SERPINA9: variants seen among roughly 807,000 people sequenced by gnomAD.
The protein encoded by SERPINA9 is serpin family A member 9, also known as serpin A9.
In SERPINA9, 32 loss-of-function variants were observed where a neutral mutation model predicts 24.5. That is an observed-to-expected ratio of 1.30 (90% CI 0.98 to 1.75). SERPINA9 has a LOEUF of 1.75. Ranked by LOEUF, SERPINA9 falls within the 40% of genes most tolerant of loss-of-function variation. SERPINA9 has a pLI of 0.00. For synonymous variants in SERPINA9, 233 were observed against 197.7 expected, an observed-to-expected ratio of 1.18 and a Z score of -1.50; for missense variants, 594 against 497.1, an observed-to-expected ratio of 1.19 and a Z score of -1.85.
In SERPINA9 at chr14:94,462,913, G is replaced by C. The variant is rs765440316; in HGVS notation, c.*180C>G. 5.4e-5 allele frequency: 33 copies of C among 606,608 alleles called. No homozygotes were observed. The highest frequency in any genetic ancestry group is 3.7e-5 in the African/African-American group (2 of 54,396). 37.6% of individuals were successfully genotyped at this position (606,608 alleles called of 1,614,324 possible). On this transcript the variant is annotated 3_prime_UTR_variant, in exon 5 of 5. Transcript: ENST00000674397. Reference sequence around the variant, plus strand: ...AAAGGGCACTGACTGGGGTTAATGGGTGTTGGCTTGTGACTGGGGTCCCTG... The same window carrying C: ...AAAGGGCACTGACTGGGGTTAATGGCTGTTGGCTTGTGACTGGGGTCCCTG...
At chr14:94,472,327 A>G (rs1419567158) in intron 1 of SERPINA9, among the ~76,000 whole-genome samples, 1 of 152,126 alleles carries the variant, frequency 6.6e-6, no homozygotes, top group Non-Finnish European at 1.5e-5. Context: ...TGCTAATGGA[A>G]AAGCCCTTGT....
intron 1 of SERPINA9, among the ~76,000 whole-genome samples, chr14:94,471,276 T>A (rs1899304593): frequency 1.3e-5 from 2 of 152,078 alleles, no homozygotes; most frequent in African/African-American, 4.8e-5. Flanking sequence ...CTTTACCCAC[T>A]GGAACAAGAA....
intron 2 of SERPINA9, among the ~76,000 whole-genome samples, chr14:94,468,806 G>A (rs1393699507): frequency 1.3e-5 from 2 of 152,190 alleles, no homozygotes; most frequent in East Asian, 3.8e-4. Context: ...ACCTATGAAA[G>A]TGTTCACACT....
At chr14:94,475,805 A>G (rs1050976938) in intron 1 of SERPINA9, 3 of 424,628 alleles carry the variant, frequency 7.1e-6, no homozygotes, top group Admixed American at 4.0e-5. Context: ...CAACGACACA[A>G]CAACAAAAAC....
chr14:94,463,570 A>G lies in SERPINA9; in HGVS notation c.1051-274T>C, dbSNP rs7158096. Among the ~76,000 whole-genome samples, 1,472 of 152,294 alleles carry G rather than the reference A, an allele frequency of 9.7e-3. 23 individuals are homozygous for G. Among genetic ancestry groups the G allele is most frequent in the African/African-American group, 0.033 (1,369 of 41,554 alleles). ...CACTTATGGTTGCAAAATTATTAAG[A>G]TGCTGCGTGCTTCAGGTTCCCGATC... On this transcript the variant is annotated intron_variant, in intron 4 of 4. Transcript: ENST00000674397.
chr14:94,470,134 G>A (rs1899243059), intron 1 of SERPINA9: 6 of 1,100,958 alleles, frequency 5.4e-6, no homozygotes, highest in Middle Eastern at 3.7e-4. Context: ...GGGCTTCAAA[G>A]TCAGGTCTCA....
At chr14:94,474,579 A>G (rs1046803475) in intron 1 of SERPINA9, among the ~76,000 whole-genome samples, 5 of 150,280 alleles carry the variant, frequency 3.3e-5, no homozygotes, top group Non-Finnish European at 5.9e-5. Context: ...AATCCACCAC[A>G]CTCCCCACTT....
intron 1 of SERPINA9, among the ~76,000 whole-genome samples, chr14:94,475,456 A>G (rs1199488630): frequency 6.6e-6 from 1 of 152,006 alleles, no homozygotes; most frequent in Admixed American, 6.6e-5. Context: ...ACACACACAC[A>G]CACACACTGA....
chr14:94,472,085 C>T (rs1465934958), intron 1 of SERPINA9, among the ~76,000 whole-genome samples: 1 of 152,112 alleles, frequency 6.6e-6, no homozygotes, highest in Non-Finnish European at 1.5e-5. Flanking sequence ...AGCCAGGGTC[C>T]TGGCTCTTAA....
rs368721380 is a variant in SERPINA9, at chr14:94,476,108, G to T, written c.-18+28C>A. The T allele has an allele frequency of 2.5e-6, 4 of 1,613,910 alleles. No individual in the cohort carries two copies. The African/African-American group carries it at 4.0e-5, about 16-fold the overall frequency. On this transcript the variant is annotated intron_variant, in intron 1 of 4. Coordinates refer to ENST00000674397, the MANE Select transcript of SERPINA9 (RefSeq NM_175739.4). Reference sequence around the variant, plus strand: ...TCTGGCTCAGTGACACCACATTCCCGATCTCTCTGCACCTCCTCCTTACCC... The same window carrying T: ...TCTGGCTCAGTGACACCACATTCCCTATCTCTCTGCACCTCCTCCTTACCC...
At chr14:94,470,077 G>A (rs1433486121) in intron 1 of SERPINA9, 1 of 753,814 alleles carries the variant, frequency 1.3e-6, no homozygotes, top group Admixed American at 3.9e-5. Flanking sequence ...CAGAGAGTCT[G>A]TGCAACTTAC....
At chr14:94,475,857 T>G (rs1899608250) in intron 1 of SERPINA9, 1 of 509,104 alleles carries the variant, frequency 2.0e-6, no homozygotes, top group Admixed American at 3.6e-5. Flanking sequence ...GCTGCCCTAT[T>G]TCAATACTCC....
rs1899184690 is a variant in SERPINA9, at chr14:94,469,386, A to G, written c.455T>C (p.Val152Ala). Residue 152 changes from valine to alanine, a missense_variant, in exon 2 of 5, where the codon GTC (valine) becomes GCC (alanine). Coordinates refer to ENST00000674397, the MANE Select transcript of SERPINA9 (RefSeq NM_175739.4). The stretch of plus-strand genomic sequence containing the variant: ...GACTTCTGCTTCATACAGCCTCTTG[A>G]CATTGCCCAAGAAATTTGCCTGCAG... ...LQLQANFLGNVKRLYEAEVFS... is the reference protein window; with the variant it reads ...LQLQANFLGNAKRLYEAEVFS... The G allele has an allele frequency of 6.2e-7, 1 of 1,614,058 alleles. No individual in the cohort carries two copies. Among genetic ancestry groups the G allele is most frequent in the Admixed American group, 1.7e-5 (1 of 60,014 alleles).
rs747682822 is a variant in SERPINA9, at chr14:94,467,172, C to G, written c.839G>C (p.Arg280Thr). ...FFVLPSKGKM[R>T]QLEQALSART... ...GGCTGACAAGGCCTGTTCCAGTTGC[C>G]TCATCTTGCCCTTGCTAGGGAGGAC... The change falls in exon 3 of 5, where the codon AGG becomes ACG. Residue 280 changes from arginine to threonine, a missense_variant. Coordinates refer to ENST00000674397, the MANE Select transcript of SERPINA9 (RefSeq NM_175739.4). The G allele has an allele frequency of 6.2e-7, 1 of 1,614,232 alleles. No homozygotes were observed. The highest frequency in any genetic ancestry group is 8.5e-7 in the Non-Finnish European group (1 of 1,180,030).
intron 4 of SERPINA9, 67 bp from the exon 5 acceptor site, chr14:94,463,363 A>G: frequency 7.0e-7 from 1 of 1,432,828 alleles, no homozygotes; most frequent in Non-Finnish European, 9.8e-7. Flanking sequence ...AGTAAACTAA[A>G]CTGAGTGCTT....
chr14:94,475,945 A>G (rs183012231), intron 1 of SERPINA9, 191 bp downstream of exon 1: 3 of 721,734 alleles, frequency 4.2e-6, no homozygotes, highest in East Asian at 2.6e-5. Flanking sequence ...TCACTGGTCC[A>G]CTCCAGCCTG....
chr14:94,470,419 C>T (rs1166353418), intron 1 of SERPINA9, among the ~76,000 whole-genome samples: 1 of 152,216 alleles, frequency 6.6e-6, no homozygotes, highest in Non-Finnish European at 1.5e-5. Flanking sequence ...CCTTCAGGTG[C>T]CCTGAGCACT....
intron 1 of SERPINA9, among the ~76,000 whole-genome samples, chr14:94,470,750 T>A (rs1005663618): frequency 1.3e-5 from 2 of 152,182 alleles, no homozygotes; most frequent in African/African-American, 4.8e-5. Context: ...CTTTTACTGT[T>A]GTTTTGTTGA....
At chr14:94,467,453 T>C (rs1037582449) in intron 2 of SERPINA9, 71 bp from the exon 3 acceptor site, 1 of 1,397,512 alleles carries the variant, frequency 7.2e-7, no homozygotes, top group African/African-American at 1.4e-5. Flanking sequence ...CAAACTGAAA[T>C]GGGGAATTAC....
Sources: allele counts gnomAD v4.1 joint callset (sites outside exome capture counted in the v4.1 genomes callset), GRCh38; gene constraint gnomAD v4.1.1; transcripts MANE v1.5; gene names NCBI Gene and HGNC (gene_info 2026-07-23, HGNC 2026-07-21).